The following MTR variants were observed in gnomAD, a reference collection of about 807,000 sequenced individuals.
MTR encodes methionine synthase.
MTR carries 84 observed loss-of-function variants against 154.8 expected under a neutral mutation model. That is an observed-to-expected ratio of 0.54 (90% CI 0.45 to 0.65). The LOEUF (loss-of-function observed/expected upper bound fraction) is 0.65, where lower values mean the gene tolerates loss of function less well. MTR is among the 30% of genes least tolerant of loss of function. The pLI, the probability that MTR is intolerant of heterozygous loss-of-function variation, is 0.00. For missense variants in MTR, 1,275 were observed against 1,570.2 expected, an observed-to-expected ratio of 0.81 and a Z score of 3.18; for synonymous variants, 554 against 553.9, an observed-to-expected ratio of 1.00 and a Z score of 0.00.
At chr1:236,800,549 T>A in intron 1 of MTR, 1 of 915,320 alleles carries the variant, frequency 1.1e-6, no homozygotes, top group Non-Finnish European at 1.3e-6. Flanking sequence ...TTTCACTGAG[T>A]ATTTTCTTCT....
At chr1:236,866,290 T>C (rs12136861) in intron 22 of MTR, among the ~76,000 whole-genome samples, 33,034 of 152,094 alleles carry the variant, frequency 0.22, 3,798 homozygotes, top group South Asian at 0.32. Flanking sequence ...GTATCTGTTA[T>C]GATGATCTGT....
At chr1:236,895,580 C>T (rs751083398) in intron 31 of MTR, 30 bp downstream of exon 31, 2 of 1,551,506 alleles carry the variant, frequency 1.3e-6, no homozygotes, top group South Asian at 1.2e-5. Context: ...GGGTTCCTGT[C>T]TTCCTTCTTC....
intron 1 of MTR, among the ~76,000 whole-genome samples, chr1:236,796,916 A>G (rs915576472): frequency 1.3e-5 from 2 of 152,112 alleles, no homozygotes; most frequent in African/African-American, 4.8e-5. Flanking sequence ...TTCCCATTTA[A>G]TTTAAACAAG....
At chr1:236,816,760 C>A (rs1661619415) in intron 8 of MTR, among the ~76,000 whole-genome samples, 1 of 152,226 alleles carries the variant, frequency 6.6e-6, no homozygotes, top group Non-Finnish European at 1.5e-5. Context: ...AGTTCTCATA[C>A]TTACAAATGG....
At chr1:236,812,666 CA>C in intron 5 of MTR, 71 bp from the exon 6 acceptor site, 1 of 1,175,098 alleles carries the variant, frequency 8.5e-7, no homozygotes, top group Non-Finnish European at 1.3e-6. Context: ...GCCAGACCTA[CA>C]CTCGAGATAC....
Position 236,816,501 on chromosome 1 carries a change from G to T in MTR, c.722G>T (p.Gly241Val), listed in dbSNP as rs760780594. ...GGGCGGACTCTTTCCGGACAGACAGGAGAGGGATTTGTCATCAGCGTGTCT... is the reference window on the plus strand; with the variant it reads ...GGGCGGACTCTTTCCGGACAGACAGTAGAGGGATTTGTCATCAGCGTGTCT... ...KSGRTLSGQTGEGFVISVSHG... is the reference protein window; with the variant it reads ...KSGRTLSGQTVEGFVISVSHG... Residue 241 changes from glycine (G) to valine (V), a missense_variant, in exon 8 of 33, where the codon GGA becomes GTA. By Grantham distance (109) the Gly-to-Val change is moderately radical. Transcript: ENST00000366577. 1 of 1,614,144 alleles carries T rather than the reference G, an allele frequency of 6.2e-7. No homozygotes were observed. Among genetic ancestry groups the T allele is most frequent in the East Asian group, 2.2e-5 (1 of 44,884 alleles).
chr1:236,863,989 A>G (rs1664695480), intron 22 of MTR, among the ~76,000 whole-genome samples: 1 of 152,092 alleles, frequency 6.6e-6, no homozygotes, highest in African/African-American at 2.4e-5. Context: ...CCTTCTCTGT[A>G]CAAGTCTCAG....
chr1:236,896,994 T>C lies in MTR; in HGVS notation c.3599-12T>C. 1 of 1,599,006 alleles carries C rather than the reference T, an allele frequency of 6.3e-7. No individual in the cohort carries two copies. Among genetic ancestry groups the C allele is most frequent in the Non-Finnish European group, 8.6e-7 (1 of 1,166,304 alleles). ...GAGTCCATAAGCATTTTCCCTGTGT[T>C]GCTCCCTCTAGGCATTAGGTTAACA... On this transcript the variant is annotated splice_polypyrimidine_tract_variant and intron_variant, in intron 31 of 32. Coordinates refer to ENST00000366577, the MANE Select transcript of MTR (RefSeq NM_000254.3).
At chr1:236,855,581 C>G (rs1232874384) in intron 18 of MTR, among the ~76,000 whole-genome samples, 1 of 152,154 alleles carries the variant, frequency 6.6e-6, no homozygotes, top group African/African-American at 2.4e-5. Flanking sequence ...TGGCCTTGAT[C>G]CCTTCCTTCA....
intron 8 of MTR, among the ~76,000 whole-genome samples, chr1:236,821,262 G>A (rs10925241): frequency 0.56 from 84,184 of 151,478 alleles, 23,905 homozygotes; most frequent in Non-Finnish European, 0.61. Flanking sequence ...GCTTTATAAC[G>A]ACCCGTTCTT....
rs530199413 is a variant in MTR, at chr1:236,815,097, C to T, written c.610-507C>T. Among the ~76,000 whole-genome samples the T allele has an allele frequency of 7.9e-5, 12 of 152,232 alleles. No homozygotes were observed. In the South Asian group the frequency reaches 1.9e-3, roughly 24 times the overall value. On this transcript the variant is annotated intron_variant, in intron 6 of 32. Transcript: ENST00000366577. ...CCTAATCTAAGCTCATGCTGTTTTTCGCAATGATGGATACTGTTGGTTCAT... is the reference window on the plus strand; with the variant it reads ...CCTAATCTAAGCTCATGCTGTTTTTTGCAATGATGGATACTGTTGGTTCAT...
Position 236,894,503 on chromosome 1 carries a change from T to C in MTR, c.3351T>C (p.Asp1117=), listed in dbSNP as rs762560222. ...VEELSKAYED[D]GDDYSSIMVK... is the part of the protein sequence containing the mutation. ...AGCTGAGCAAGGCCTATGAGGATGA[T>C]GGTGACGACTACAGCAGCATCATGG... is the stretch of plus-strand genomic sequence containing the variant. The change falls in exon 30 of 33, where the codon GAT becomes GAC. Residue 1117 remains aspartate, a synonymous_variant. Coordinates refer to ENST00000366577, the MANE Select transcript of MTR (RefSeq NM_000254.3). The C allele has an allele frequency of 6.2e-7, 1 of 1,614,102 alleles. No individual in the cohort carries two copies. The highest frequency in any genetic ancestry group is 8.5e-7 in the Non-Finnish European group (1 of 1,180,036).
At chr1:236,835,011 C>T (rs1213700882) in intron 13 of MTR, among the ~76,000 whole-genome samples, 1 of 152,056 alleles carries the variant, frequency 6.6e-6, no homozygotes, top group Non-Finnish European at 1.5e-5. Flanking sequence ...TGAATACTTT[C>T]GGCAGATACT....
rs1434016616 is a variant in MTR, at chr1:236,901,755, A to T, written c.*4111A>T. On this transcript the variant is annotated 3_prime_UTR_variant, in exon 33 of 33. Coordinates refer to ENST00000366577, the MANE Select transcript of MTR (RefSeq NM_000254.3). ...CTCTCTGGCCTCCTCTTAAAAAGGCACTAATCCCATTCATGAGGGCTCCAC... is the reference window on the plus strand; with the variant it reads ...CTCTCTGGCCTCCTCTTAAAAAGGCTCTAATCCCATTCATGAGGGCTCCAC... The T allele has an allele frequency of 6.6e-6, 1 of 152,144 alleles. No individual in the cohort carries two copies. Among genetic ancestry groups the T allele is most frequent in the Non-Finnish European group, 1.5e-5 (1 of 68,044 alleles). The allele number at this position is 152,144 out of a possible 1,614,324, so 9.4% of individuals were successfully genotyped here.
In MTR at chr1:236,835,679, A is replaced by G. The variant is rs1662866150; in HGVS notation, c.1321A>G (p.Ile441Val). Residue 441 changes from isoleucine (I) to valine (V), a missense_variant, in exon 14 of 33, where the codon ATC becomes GTC. Coordinates refer to ENST00000366577, the MANE Select transcript of MTR (RefSeq NM_000254.3). ...CAACTTAATTGCTTCCGAGCCAGAC[A>G]TCGCAAAGGTTATACAAAGTTTATG... ...FCNLIASEPD[I>V]AKVPLCIDSS... 6.2e-7 allele frequency: 1 copy of G among 1,612,928 alleles called. No homozygotes were observed. Among genetic ancestry groups the G allele is most frequent in the Non-Finnish European group, 8.5e-7 (1 of 1,179,824 alleles).
At chr1:236,825,140 A>ATTTTTTTTTTTTTTTTTTTT (rs749672025) in intron 9 of MTR, among the ~76,000 whole-genome samples, 198 bp from the exon 10 acceptor site, 1 of 114,144 alleles carries the variant, frequency 8.8e-6, no homozygotes, top group Non-Finnish European at 1.7e-5. Context: ...TTCCTCTGTG[A>ATTTTTTTTTTTTTTTTTTTT]TTTTTTTTTT....
chr1:236,843,611 G>GT (rs1326502146), intron 15 of MTR, among the ~76,000 whole-genome samples: 6 of 152,204 alleles, frequency 3.9e-5, no homozygotes, highest in Non-Finnish European at 7.3e-5. Flanking sequence ...GTTTATTGCT[G>GT]TAATTCAGAT....
chr1:236,880,552 C>T (rs1330578396), intron 24 of MTR, among the ~76,000 whole-genome samples: 2 of 152,170 alleles, frequency 1.3e-5, no homozygotes, highest in African/African-American at 4.8e-5. Flanking sequence ...AGAGCCTGGG[C>T]TAGGTTTCCC....
chr1:236,891,411 G>A (rs1666313214), intron 29 of MTR, 82 bp downstream of exon 29: 1 of 1,389,898 alleles, frequency 7.2e-7, no homozygotes, highest in Admixed American at 1.7e-5. Context: ...GCATAAATGA[G>A]GGTCTGCTTC....
Sources: gnomAD v4.1 joint callset for allele counts (sites outside exome capture counted in the v4.1 genomes callset) on GRCh38, gnomAD v4.1.1 for gene constraint, MANE v1.5 for transcripts, NCBI Gene and HGNC (gene_info 2026-07-23, HGNC 2026-07-21) for gene names.